Variants in LNX1 observed in about 807,000 individuals in gnomAD.
LNX1 encodes the protein E3 ubiquitin-protein ligase LNX.
Under a neutral mutation model 68.4 loss-of-function variants are expected in LNX1, and 54 were observed. That is an observed-to-expected ratio of 0.79 (90% CI 0.63 to 0.99). The LOEUF (loss-of-function observed/expected upper bound fraction) is 0.99. Ranked by LOEUF, LNX1 falls within the 50% of genes least tolerant of loss-of-function variation. The pLI is 0.00. For synonymous variants in LNX1, 336 were observed against 350.0 expected (o/e 0.96, Z 0.45); for missense variants, 906 against 926.4 (o/e 0.98, Z 0.29).
intron 9 of LNX1, among the ~76,000 whole-genome samples, chr4:53,463,648 G>C (rs943013786): frequency 1.4e-5 from 2 of 144,792 alleles, no homozygotes; most frequent in South Asian, 4.4e-4. Context: ...CGAAGATTTG[G>C]CATAGTATAA....
chr4:53,595,810 C>A (rs1408546446), upstream of LNX1, among the ~76,000 whole-genome samples: 2 of 152,198 alleles, frequency 1.3e-5, no homozygotes, highest in Non-Finnish European at 1.5e-5. Context: ...TGGCAATGAA[C>A]CTACAGCGAA....
chr4:53,555,354 C>T (rs1336397744), intron 2 of LNX1, among the ~76,000 whole-genome samples: 3 of 152,086 alleles, frequency 2.0e-5, no homozygotes, highest in Non-Finnish European at 4.4e-5. Context: ...TCTTTCTACC[C>T]GTTTCTGCCT....
intron 6 of LNX1, among the ~76,000 whole-genome samples, chr4:53,483,114 C>A (rs1253744181): frequency 1.3e-5 from 2 of 152,120 alleles, no homozygotes. Context: ...CAGGAGGTAA[C>A]TGATTCATGG....
At chr4:53,634,252 C>CTT (rs35451950) in intron 1 of LNX1, among the ~76,000 whole-genome samples, 119 of 142,934 alleles carry the variant, frequency 8.3e-4, no homozygotes, top group East Asian at 3.3e-3. Flanking sequence ...TCCAGCTTGG[C>CTT]TTTTTTTTTT....
chr4:53,468,196 TA>T (rs977025854), intron 9 of LNX1, among the ~76,000 whole-genome samples: 33 of 152,158 alleles, frequency 2.2e-4, no homozygotes, highest in African/African-American at 7.5e-4. Context: ...TCAACATCCT[TA>T]AAAGAAAAGA....
chr4:53,478,536 A>G, intron 8 of LNX1, 29 bp downstream of exon 8: 8 of 1,584,504 alleles, frequency 5.0e-6, no homozygotes, highest in Non-Finnish European at 6.9e-6. Flanking sequence ...CTGCCACCCC[A>G]GTGCCTTTAA....
chr4:53,611,856 A>G (rs1733511292), intron 2 of LNX1, among the ~76,000 whole-genome samples: 1 of 152,320 alleles, frequency 6.6e-6, no homozygotes, highest in Admixed American at 6.5e-5. Context: ...CTCCCAATAA[A>G]AACTGAGAAG....
Position 53,493,260 on chromosome 4 carries a change from C to T in LNX1, c.1350+2763G>A, listed in dbSNP as rs180848626. On this transcript the variant is annotated intron_variant, in intron 6 of 10. Coordinates refer to ENST00000263925, the MANE Select transcript of LNX1 (RefSeq NM_001126328.3). ...GGAATTAAAGATGTGAGCCACCACA[C>T]CCAGCCAGAAAATGCCTCTTCTAAC... 3.3e-5 allele frequency among the ~76,000 whole-genome samples: 5 copies of T among 152,330 alleles called. 1 individual carries two copies. Among genetic ancestry groups the T allele is most frequent in the Admixed American group, 3.3e-4 (5 of 15,304 alleles).
intron 2 of LNX1, among the ~76,000 whole-genome samples, chr4:53,571,061 T>A (rs1298405830): frequency 6.6e-6 from 1 of 150,990 alleles, no homozygotes; most frequent in Non-Finnish European, 1.5e-5. Flanking sequence ...TTTTTTGAGA[T>A]GGAGTCTCGC....
chr4:53,543,841 A>G (rs1728916255), intron 2 of LNX1, among the ~76,000 whole-genome samples: 1 of 152,200 alleles, frequency 6.6e-6, no homozygotes, highest in Non-Finnish European at 1.5e-5. Flanking sequence ...AGAAAAAACA[A>G]ATCTCCATGA....
upstream of LNX1, among the ~76,000 whole-genome samples, chr4:53,619,689 A>T (rs115938011): frequency 6.6e-6 from 1 of 152,204 alleles, no homozygotes; most frequent in Non-Finnish European, 1.5e-5. Context: ...GAAAGTTTTC[A>T]CAAGAACCAA....
At chr4:53,639,972 C>T (rs1028628509) in intron 1 of LNX1, among the ~76,000 whole-genome samples, 1 of 152,020 alleles carries the variant, frequency 6.6e-6, no homozygotes. Context: ...GCAGAGGTTG[C>T]AGTGAGCTGA....
At chr4:53,585,878 T>C (rs1577760739) in intron 1 of LNX1, among the ~76,000 whole-genome samples, 1 of 152,096 alleles carries the variant, frequency 6.6e-6, no homozygotes, top group Admixed American at 6.5e-5. Flanking sequence ...ATGGCAGCCC[T>C]AGAAATACAG....
chr4:53,470,936 G>C (rs550126236), intron 9 of LNX1, among the ~76,000 whole-genome samples: 2 of 151,774 alleles, frequency 1.3e-5, no homozygotes, highest in Non-Finnish European at 2.9e-5. Flanking sequence ...TATAGATTCA[G>C]TGCCATCCCC....
intron 2 of LNX1, among the ~76,000 whole-genome samples, chr4:53,536,031 C>T (rs1728348696): frequency 6.6e-6 from 1 of 152,164 alleles, no homozygotes. Context: ...CTTGACCCTG[C>T]CCCCAAGTCC....
intron 1 of LNX1, among the ~76,000 whole-genome samples, chr4:53,636,934 G>A (rs1231701169): frequency 2.0e-5 from 3 of 151,148 alleles, no homozygotes; most frequent in Admixed American, 6.6e-5. Flanking sequence ...TATGCAGACC[G>A]CAGGTTCCCT....
chr4:53,575,889 G>T (rs1731451626), intron 1 of LNX1: 5 of 1,579,578 alleles, frequency 3.2e-6, no homozygotes, highest in East Asian at 2.2e-5. Flanking sequence ...TCAGCAGCCT[G>T]CAAGGGGAGG....
chr4:53,576,995 A>G (rs1173184118), intron 1 of LNX1, among the ~76,000 whole-genome samples: 1 of 152,228 alleles, frequency 6.6e-6, no homozygotes, highest in African/African-American at 2.4e-5. Context: ...CTTAATATAA[A>G]AACATTTAGA....
intron 4 of LNX1, among the ~76,000 whole-genome samples, chr4:53,501,299 T>TTTGG (rs56165716): frequency 0.012 from 480 of 38,788 alleles, 42 homozygotes; most frequent in African/African-American, 0.027. Context: ...TTTTTTTTTT[T>TTTGG]GGGGGTGGGG....
Sources: gnomAD v4.1 joint callset for allele counts (sites outside exome capture counted in the v4.1 genomes callset) on GRCh38, gnomAD v4.1.1 for gene constraint, MANE v1.5 for transcripts, NCBI Gene and HGNC (gene_info 2026-07-23, HGNC 2026-07-21) for gene names.